The following ESS2 variants were observed in gnomAD, a reference collection of about 807,000 sequenced individuals.
ESS2 encodes the protein ess-2 spliceosome associated protein, also known as splicing factor ESS-2 homolog.
A neutral mutation model predicts 52.0 loss-of-function variants in ESS2; 31 were observed. The observed-to-expected ratio is 0.60, with a 90% CI of 0.45 to 0.81. The LOEUF is 0.81. ESS2 is among the 30% of genes least tolerant of loss of function. ESS2 has a pLI of 0.00. For synonymous variants in ESS2, 285 were observed against 259.2 expected, an observed-to-expected ratio of 1.10 and a Z score of -0.95; for missense variants, 602 against 637.2, an observed-to-expected ratio of 0.94 and a Z score of 0.59.
chr22:19,142,911 G>A lies in ESS2; in HGVS notation c.136-17C>T, dbSNP rs557736880. ...CTGGAGGCCCTGCAAGGAGAGATCA[G>A]AATGAAAGTCAGAGGCCAGGCGCGG... is the stretch of plus-strand genomic sequence containing the variant. On this transcript the variant is annotated splice_polypyrimidine_tract_variant and intron_variant, in intron 1 of 9. Coordinates refer to ENST00000252137, the MANE Select transcript of ESS2 (RefSeq NM_022719.3). The A allele has an allele frequency of 3.7e-6, 6 of 1,606,526 alleles. No homozygotes were observed. The Admixed American group carries it at 8.5e-5, about 23-fold the overall frequency.
At position 19,131,826 on chromosome 22, in the gene ESS2, C is replaced by A. The variant is rs1198022204; in HGVS notation, c.*2370G>T. 1 of 1,614,090 alleles carries A rather than the reference C, an allele frequency of 6.2e-7. No homozygotes were observed. Reference sequence around the variant, plus strand: ...CCGGGACCTCAAGTGCGAGAACCTTCTCCTCGACAAGGACTTCAACATCAA... The same window carrying A: ...CCGGGACCTCAAGTGCGAGAACCTTATCCTCGACAAGGACTTCAACATCAA... On this transcript the variant is annotated 3_prime_UTR_variant, in exon 10 of 10. Coordinates refer to ENST00000252137, the MANE Select transcript of ESS2 (RefSeq NM_022719.3). This position sits in a 1 kb window ranked among gnomAD's most constrained non-coding sequence, Gnocchi z 5.7.
chr22:19,144,481 G>C (rs766259698), intron 1 of ESS2, 25 bp downstream of exon 1: 3 of 1,611,358 alleles, frequency 1.9e-6, no homozygotes, highest in Non-Finnish European at 2.5e-6. Flanking sequence ...CCCAGAAGTC[G>C]CCGGCGTCCG....
In ESS2 at chr22:19,142,553, G is replaced by C; in HGVS notation, c.385C>G (p.Arg129Gly). 6.2e-7 allele frequency: 1 copy of C among 1,607,906 alleles called. No homozygotes were observed. The highest frequency in any genetic ancestry group is 8.5e-7 in the Non-Finnish European group (1 of 1,177,794). Reference sequence around the variant, plus strand: ...CCTCACTCACCATCCTCCAGGCCTCGGCCGCGGGGCCTGGGCTTGTTGCCC... The same window carrying C: ...CCTCACTCACCATCCTCCAGGCCTCCGCCGCGGGGCCTGGGCTTGTTGCCC... ...VVGNKPRPRG[R>G]GLEDGEAGEE... The change falls in exon 3 of 10, where the codon CGA becomes GGA. Residue 129 changes from arginine (R) to glycine (G), a missense_variant. Physicochemically the swap from Arg to Gly is moderately radical, Grantham distance 125. Transcript: ENST00000252137.
At chr22:19,140,974 G>A (rs2083676487) in intron 3 of ESS2, among the ~76,000 whole-genome samples, 1 of 152,150 alleles carries the variant, frequency 6.6e-6, no homozygotes, top group African/African-American at 2.4e-5. Flanking sequence ...GCATGTAGGT[G>A]TACAGGTATT....
In ESS2 at chr22:19,134,431, T is replaced by G; in HGVS notation, c.1196A>C (p.Gln399Pro). Residue 399 changes from glutamine to proline, a missense_variant, in exon 10 of 10, where the codon CAG becomes CCG. Physicochemically the swap from Gln to Pro is moderately conservative, Grantham distance 76. Transcript: ENST00000252137. The part of the protein sequence containing the change: ...GLSPAMSPAL[Q>P]RLVSRTASKY... ...GCTGGCCGTCCTGCTCACAAGGCGC[T>G]GTAGGGCTGGCGACATGGCTGGGCT... The G allele has an allele frequency of 6.3e-7, 1 of 1,595,322 alleles. No homozygotes were observed. Among genetic ancestry groups the G allele is most frequent in the Non-Finnish European group, 8.5e-7 (1 of 1,169,652 alleles).
intron 6 of ESS2, 132 bp downstream of exon 6, chr22:19,139,027 C>T: frequency 7.9e-7 from 1 of 1,267,656 alleles, no homozygotes; most frequent in African/African-American, 1.5e-5. Context: ...ACTCAGGATC[C>T]TGCCGCACAG....
In ESS2 at chr22:19,137,328, A is replaced by G; in HGVS notation, c.1030T>C (p.Phe344Leu). The G allele has an allele frequency of 6.2e-7, 1 of 1,611,522 alleles. No homozygotes were observed. Among genetic ancestry groups the G allele is most frequent in the Non-Finnish European group, 8.5e-7 (1 of 1,178,672 alleles). The change falls in exon 8 of 10, where the codon TTT becomes CTT. Residue 344 changes from phenylalanine (F) to leucine (L), a missense_variant. Phe to Leu is a conservative substitution (Grantham distance 22). Transcript: ENST00000252137. The stretch of plus-strand genomic sequence containing the variant: ...CCCCCATCACCACAACCCACCTTAA[A>G]AGCTGGGCCGGGTGTCCTGTCCACG... ...PYVDRTPGPAFKILEPGRRER... is the reference protein window; with the variant it reads ...PYVDRTPGPALKILEPGRRER...
chr22:19,143,387 G>T (rs548788599), intron 1 of ESS2, among the ~76,000 whole-genome samples: 1 of 152,124 alleles, frequency 6.6e-6, no homozygotes, highest in South Asian at 2.1e-4. Flanking sequence ...CATCCCATAT[G>T]GTAGCCATGC....
chr22:19,144,110 G>A, intron 1 of ESS2: 1 of 1,017,706 alleles, frequency 9.8e-7, no homozygotes. Flanking sequence ...GTGGGGCGAC[G>A]CAGGTCCACT....
rs712965 is a variant in ESS2, at chr22:19,134,359, G to A, written c.1268C>T (p.Ala423Val). ...ALRASYTPSP[A>V]RSTHLKTPAS... Reference sequence around the variant, plus strand: ...CGGGGTCTTGAGGTGGGTGGAGCGTGCTGGGGATGGTGTGTAGCTGGCCCG... The same window carrying A: ...CGGGGTCTTGAGGTGGGTGGAGCGTACTGGGGATGGTGTGTAGCTGGCCCG... The change falls in exon 10 of 10, where the codon GCA (alanine) becomes GTA (valine). Residue 423 changes from alanine to valine, a missense_variant. Ala to Val is a moderately conservative substitution (Grantham distance 64). Coordinates refer to ENST00000252137, the MANE Select transcript of ESS2 (RefSeq NM_022719.3). The A allele has an allele frequency of 0.065, 104,765 of 1,611,696 alleles. 4,191 individuals are homozygous for A. Among genetic ancestry groups the A allele is most frequent in the African/African-American group, 0.18 (13,118 of 74,920 alleles).
At chr22:19,136,274 ATC>A in intron 8 of ESS2, among the ~76,000 whole-genome samples, 1 of 141,602 alleles carries the variant, frequency 7.1e-6, no homozygotes, top group Non-Finnish European at 1.5e-5. Flanking sequence ...AGGCAGGAGA[ATC>A]ACTTGAACCC....
In ESS2 at chr22:19,144,542, G is replaced by C; in HGVS notation, c.99C>G (p.Ser33Arg). The C allele has an allele frequency of 6.2e-7, 1 of 1,609,256 alleles. No homozygotes were observed. Among genetic ancestry groups the C allele is most frequent in the Non-Finnish European group, 8.5e-7 (1 of 1,178,158 alleles). Residue 33 changes from serine to arginine, a missense_variant, in exon 1 of 10, where the codon AGC becomes AGG. Coordinates refer to ENST00000252137, the MANE Select transcript of ESS2 (RefSeq NM_022719.3). ...CTTCCTCGTCCAGGACCCGCTGCTT[G>C]CTCGTCGCAGCCCCAGCCTCTCCCG... ...REAGEAGAAT[S>R]KQRVLDEEEY...
rs904518301 is a variant in ESS2, at chr22:19,131,567, C to T, written c.*2629G>A. ...CACCTACTGACTTTGTGGAGAGATT[C>T]CTTCCTCGGGAGATGGACATCCTGG... On this transcript the variant is annotated 3_prime_UTR_variant, in exon 10 of 10. Transcript: ENST00000252137. This position sits in a 1 kb window ranked among gnomAD's most constrained non-coding sequence, Gnocchi z 5.7. The T allele has an allele frequency of 4.3e-6, 7 of 1,614,150 alleles. No homozygotes were observed. The Middle Eastern group carries it at 6.6e-4, about 152-fold the overall frequency.
In ESS2 at chr22:19,139,681, C is replaced by T. The variant is rs753657160; in HGVS notation, c.619G>A (p.Glu207Lys). The change falls in exon 5 of 10, where the codon GAG becomes AAG. Residue 207 changes from glutamate to lysine, a missense_variant. By Grantham distance (56) the Glu-to-Lys change is moderately conservative. Transcript: ENST00000252137. ...ELPSAEHQAI[E>K]SSQASVETWK... is the part of the protein sequence containing the mutation. ...GTCTCCACACTGGCCTGGCTGCTCT[C>T]GATGGCCTGGTGCTCTGCTGACGGG... The T allele has an allele frequency of 3.7e-6, 6 of 1,614,220 alleles. No homozygotes were observed. In the Middle Eastern group the frequency reaches 4.9e-4, roughly 133 times the overall value.
chr22:19,132,330 C>T lies in ESS2; in HGVS notation c.*1866G>A. 6.2e-7 allele frequency: 1 copy of T among 1,612,952 alleles called. No homozygotes were observed. The highest frequency in any genetic ancestry group is 1.1e-5 in the South Asian group (1 of 91,070). Reference sequence around the variant, plus strand: ...GACAGGCTTGAGGCCCGACCACCGGCCCGACCACAAGCTTGGAGCCAAAAC... The same window carrying T: ...GACAGGCTTGAGGCCCGACCACCGGTCCGACCACAAGCTTGGAGCCAAAAC... On this transcript the variant is annotated 3_prime_UTR_variant, in exon 10 of 10. Transcript: ENST00000252137. This position sits in a 1 kb window ranked among gnomAD's most constrained non-coding sequence, Gnocchi z 4.2.
Position 19,132,093 on chromosome 22 carries a change from C to A in ESS2, c.*2103G>T. On this transcript the variant is annotated 3_prime_UTR_variant, in exon 10 of 10. Transcript: ENST00000252137. This position sits in a 1 kb window ranked among gnomAD's most constrained non-coding sequence, Gnocchi z 4.2. ...GATGCTGCGTATCCAGAAGGAGCAC[C>A]GTGTGGACTTCCCGCGCTCCAAGAA... is the stretch of plus-strand genomic sequence containing the variant. 1 of 1,613,268 alleles carries A rather than the reference C, an allele frequency of 6.2e-7. No homozygotes were observed. Among genetic ancestry groups the A allele is most frequent in the South Asian group, 1.1e-5 (1 of 91,048 alleles).
rs914624722 is a variant in ESS2 at position 19,142,655 on chromosome 22, A to G, written c.305-22T>C. On this transcript the variant is annotated intron_variant, in intron 2 of 9. Transcript: ENST00000252137. ...ACATCTAGGGGAAGAGAGGGGGATA[A>G]GAATTAGAGTGAGCCTGAAGCGACA... 17 of 1,609,958 alleles carry G rather than the reference A, an allele frequency of 1.1e-5. No individual in the cohort carries two copies. In the Admixed American group the frequency reaches 2.5e-4, roughly 24 times the overall value.
intron 8 of ESS2, among the ~76,000 whole-genome samples, chr22:19,135,670 T>C (rs1391635075): frequency 1.3e-5 from 2 of 152,230 alleles, no homozygotes; most frequent in Non-Finnish European, 2.9e-5. Context: ...TTCTGCTGTA[T>C]TTGTTATTTT....
chr22:19,132,172 G>A lies in ESS2; in HGVS notation c.*2024C>T. On this transcript the variant is annotated 3_prime_UTR_variant, in exon 10 of 10. Transcript: ENST00000252137. The surrounding 1 kb of genome is among the most constrained non-coding windows in gnomAD (Gnocchi z 4.2). The stretch of plus-strand genomic sequence containing the variant: ...TACCGCATGCTGCAGCCCGACGTCA[G>A]CCAGCGGCTCCACATCGATGAGATC... 1 of 1,613,240 alleles carries A rather than the reference G, an allele frequency of 6.2e-7. No individual in the cohort carries two copies. The highest frequency in any genetic ancestry group is 8.5e-7 in the Non-Finnish European group (1 of 1,179,364).
Sources: allele counts gnomAD v4.1 joint callset (sites outside exome capture counted in the v4.1 genomes callset), GRCh38; gene constraint gnomAD v4.1.1; non-coding constraint Gnocchi (gnomAD v3.1); transcripts MANE v1.5; gene names NCBI Gene and HGNC (gene_info 2026-07-23, HGNC 2026-07-21).